CNTLN: variants seen among roughly 807,000 people sequenced by gnomAD.
CNTLN encodes centlein.
Under a neutral mutation model 180.0 loss-of-function variants are expected in CNTLN, and 212 were observed. The ratio of observed to expected loss-of-function variants is 1.18; its 90% CI spans 1.05 to 1.32. The LOEUF is 1.32. CNTLN is among the 40% of genes most tolerant of loss of function. The pLI, the probability that CNTLN is intolerant of heterozygous loss-of-function variation, is 0.00. For missense variants in CNTLN, 2,095 were observed against 1,610.9 expected (o/e 1.30, Z -5.14); for synonymous variants, 722 against 563.1 (o/e 1.28, Z -3.99).
chr9:17,506,104 A>G (rs777449676), downstream of CNTLN, among the ~76,000 whole-genome samples: 20 of 152,064 alleles, frequency 1.3e-4, no homozygotes, highest in Admixed American at 6.6e-4. Context: ...ATCTTGACCT[A>G]AACCTCACAC....
intron 20 of CNTLN, 33 bp from the exon 21 acceptor site, chr9:17,464,464 G>A: frequency 1.3e-6 from 2 of 1,510,940 alleles, no homozygotes; most frequent in Non-Finnish European, 1.8e-6. Context: ...GGTATTTTCT[G>A]TCACTCTTGA....
At chr9:17,359,744 A>ACAAAAAAAAAAAAAAACAAAAAAAG (rs1384389931) in intron 12 of CNTLN, among the ~76,000 whole-genome samples, 2 of 50,242 alleles carry the variant, frequency 4.0e-5, no homozygotes, top group African/African-American at 1.1e-4. Context: ...AAAAAAAAAA[A>ACAAAAAAAAAAAAAAACAAAAAAAG]AAAAAACTAG....
intron 5 of CNTLN, among the ~76,000 whole-genome samples, chr9:17,256,255 G>A (rs1421769430): frequency 2.0e-5 from 3 of 151,714 alleles, no homozygotes; most frequent in Non-Finnish European, 4.4e-5. Flanking sequence ...ATTTTTCTTT[G>A]GCTACTGAGT....
At chr9:17,179,530 A>C (rs1820988658) in intron 2 of CNTLN, among the ~76,000 whole-genome samples, 1 of 152,150 alleles carries the variant, frequency 6.6e-6, no homozygotes, top group South Asian at 2.1e-4. Context: ...ATGGTCAGAG[A>C]ATGTACTCTG....
chr9:17,236,209 C>G (rs960451162), intron 4 of CNTLN, among the ~76,000 whole-genome samples, 200 bp from the exon 5 acceptor site: 1 of 152,038 alleles, frequency 6.6e-6, no homozygotes, highest in Non-Finnish European at 1.5e-5. Flanking sequence ...AAGCTGTCAT[C>G]CAGTGAAAAA....
intron 2 of CNTLN, among the ~76,000 whole-genome samples, chr9:17,179,239 G>C (rs1213982717): frequency 9.7e-6 from 1 of 103,394 alleles, no homozygotes; most frequent in African/African-American, 5.2e-5. Flanking sequence ...GCGAGACTCC[G>C]TCTCAAAAAA....
intron 7 of CNTLN, chr9:17,301,355 G>C: frequency 1.0e-6 from 1 of 985,372 alleles, no homozygotes; most frequent in Non-Finnish European, 1.2e-6. Flanking sequence ...TAGAAAATGA[G>C]AGATGTAAAT....
chr9:17,353,844 G>A (rs996586053), intron 12 of CNTLN, among the ~76,000 whole-genome samples: 2 of 152,164 alleles, frequency 1.3e-5, no homozygotes, highest in South Asian at 2.1e-4. Context: ...GGCACTTGAG[G>A]AGCCCTTCAG....
At chr9:17,293,888 C>A (rs1373118834) in intron 6 of CNTLN, among the ~76,000 whole-genome samples, 3 of 152,042 alleles carry the variant, frequency 2.0e-5, no homozygotes, top group African/African-American at 4.8e-5. Flanking sequence ...ACCTCCTGAT[C>A]TGTGGGTAGC....
intron 2 of CNTLN, among the ~76,000 whole-genome samples, chr9:17,177,210 C>T (rs1276614514): frequency 6.6e-6 from 1 of 152,094 alleles, no homozygotes; most frequent in Non-Finnish European, 1.5e-5. Context: ...GAGACCGAGA[C>T]TATCTTGGCT....
At chr9:17,138,679 A>C (rs898036434) in intron 1 of CNTLN, among the ~76,000 whole-genome samples, 9 of 152,092 alleles carry the variant, frequency 5.9e-5, no homozygotes, top group Non-Finnish European at 1.2e-4. Flanking sequence ...TTGTAAGTAA[A>C]CTCTTGACAT....
chr9:17,461,431 AT>A (rs1831441157), intron 19 of CNTLN, among the ~76,000 whole-genome samples: 1 of 151,732 alleles, frequency 6.6e-6, no homozygotes, highest in African/African-American at 2.4e-5. Context: ...TTACACACAC[AT>A]TTGATCAAAA....
chr9:17,199,203 CTTT>C (rs763632027), intron 2 of CNTLN, among the ~76,000 whole-genome samples: 2 of 73,806 alleles, frequency 2.7e-5, no homozygotes, highest in African/African-American at 4.7e-5. Flanking sequence ...TGTTTCTTGA[CTTT>C]TTTTTTTTTT....
At chr9:17,358,449 A>G (rs1436979827) in intron 12 of CNTLN, among the ~76,000 whole-genome samples, 1 of 152,146 alleles carries the variant, frequency 6.6e-6, no homozygotes, top group African/African-American at 2.4e-5. Flanking sequence ...TTGTAGATGT[A>G]TATGTAGACA....
chr9:17,454,331 A>T (rs1213541238), intron 18 of CNTLN, among the ~76,000 whole-genome samples: 2 of 152,224 alleles, frequency 1.3e-5, no homozygotes, highest in Admixed American at 6.5e-5. Context: ...TACAAATCTC[A>T]GTACTTATTG....
chr9:17,156,844 A>T (rs888675628), intron 2 of CNTLN, among the ~76,000 whole-genome samples: 1 of 152,252 alleles, frequency 6.6e-6, no homozygotes, highest in African/African-American at 2.4e-5. Flanking sequence ...AAATAATAAA[A>T]TAGAATTGAA....
rs77549651 is a variant in CNTLN at position 17,297,017 on chromosome 9, C to T, written c.984-1173C>T. ...AATAAGTTCCATTAAGAAATACAAT[C>T]TTCAAAATATTATGTAAGTACAATC... is the stretch of plus-strand genomic sequence containing the variant. On this transcript the variant is annotated intron_variant, in intron 6 of 25. Coordinates refer to ENST00000380647, the MANE Select transcript of CNTLN (RefSeq NM_017738.4). Among the ~76,000 whole-genome samples, 123 of 152,270 alleles carry T rather than the reference C, an allele frequency of 8.1e-4. 1 individual carries two copies. The highest frequency in any genetic ancestry group is 2.9e-3 in the African/African-American group (121 of 41,558).
At chr9:17,282,009 C>A (rs1409688918) in intron 6 of CNTLN, among the ~76,000 whole-genome samples, 3 of 152,158 alleles carry the variant, frequency 2.0e-5, no homozygotes, top group African/African-American at 7.2e-5. Context: ...TGTTGCCAGG[C>A]TGGAGTGCAG....
intron 5 of CNTLN, among the ~76,000 whole-genome samples, chr9:17,265,400 C>T (rs527391538): frequency 1.3e-5 from 2 of 152,244 alleles, no homozygotes; most frequent in Non-Finnish European, 2.9e-5. Context: ...CCCACTTGAT[C>T]ATGGTGGATA....
Sources: gnomAD v4.1 joint callset for allele counts (sites outside exome capture counted in the v4.1 genomes callset) on GRCh38, gnomAD v4.1.1 for gene constraint, MANE v1.5 for transcripts, NCBI Gene and HGNC (gene_info 2026-07-23, HGNC 2026-07-21) for gene names.